The following PALB2 variants were observed in gnomAD, a reference collection of about 807,000 sequenced individuals.
PALB2 encodes partner and localizer of BRCA2.
PALB2 carries 82 observed loss-of-function variants against 107.4 expected under a neutral mutation model. The ratio of observed to expected loss-of-function variants is 0.76; its 90% CI spans 0.64 to 0.92. The LOEUF (loss-of-function observed/expected upper bound fraction) is 0.92. PALB2 is among the 40% of genes least tolerant of loss of function. The pLI, the probability that PALB2 is intolerant of heterozygous loss-of-function variation, is 0.00. For synonymous variants in PALB2, 489 were observed against 496.8 expected (o/e 0.98, Z 0.21); for missense variants, 1,374 against 1,379.9 (o/e 1.00, Z 0.07).
intron 11 of PALB2, among the ~76,000 whole-genome samples, chr16:23,610,203 A>G (rs1490111386): frequency 6.6e-6 from 1 of 152,172 alleles, no homozygotes; most frequent in Non-Finnish European, 1.5e-5. Flanking sequence ...TGTAAAACAG[A>G]GATTGTAAGG....
At chr16:23,626,752 G>A (rs1966843466) in intron 6 of PALB2, among the ~76,000 whole-genome samples, 1 of 152,116 alleles carries the variant, frequency 6.6e-6, no homozygotes, top group East Asian at 1.9e-4. Context: ...CTTCCGAGTA[G>A]CTAGGATTAC....
At chr16:23,622,683 G>A (rs988463706) in intron 9 of PALB2, among the ~76,000 whole-genome samples, 42 of 152,146 alleles carry the variant, frequency 2.8e-4, no homozygotes, top group Non-Finnish European at 6.2e-4. Flanking sequence ...GAGCCACTGT[G>A]CCCAGCAGAG....
chr16:23,638,479 TTC>T (rs201458864), intron 1 of PALB2: 9,500 of 460,958 alleles, frequency 0.021, 159 homozygotes, highest in Non-Finnish European at 0.032. Flanking sequence ...TCACACTATG[TTC>T]TCTGTTTCTC....
intron 11 of PALB2, among the ~76,000 whole-genome samples, chr16:23,610,244 T>C (rs529108978): frequency 2.0e-5 from 3 of 151,904 alleles, no homozygotes; most frequent in Admixed American, 2.0e-4. Flanking sequence ...TGCCGTCTGG[T>C]CATATATGGA....
chr16:23,634,195 G>C (rs1325266926), intron 4 of PALB2, among the ~76,000 whole-genome samples: 1 of 152,184 alleles, frequency 6.6e-6, no homozygotes, highest in African/African-American at 2.4e-5. Context: ...ATACCGCCAG[G>C]TTTGAATCCT....
intron 9 of PALB2, among the ~76,000 whole-genome samples, chr16:23,621,984 C>T (rs193194898): frequency 5.4e-4 from 82 of 152,314 alleles, no homozygotes; most frequent in Non-Finnish European, 1.0e-3. Flanking sequence ...TCTGCTTCTT[C>T]CCATCTCCAC....
rs369178953 is a variant in PALB2, at chr16:23,630,866, T to G, written c.1685-397A>C. Among the ~76,000 whole-genome samples the G allele has an allele frequency of 2.1e-4, 32 of 152,008 alleles. 1 individual carries two copies. In the East Asian group the frequency reaches 4.6e-3, roughly 22 times the overall value. ...AGCTCACAGCTGTAATCCTAGTACT[T>G]TCAGAGGTCAAGGTAAGAGAATTGC... On this transcript the variant is annotated intron_variant, in intron 4 of 12. Coordinates refer to ENST00000261584, the MANE Select transcript of PALB2 (RefSeq NM_024675.4).
chr16:23,615,112 C>A (rs1035725430), intron 10 of PALB2, among the ~76,000 whole-genome samples: 1 of 150,164 alleles, frequency 6.7e-6, no homozygotes, highest in South Asian at 2.1e-4. Context: ...CCATGCCTGG[C>A]TAATTTCTGT....
chr16:23,623,455 G>T (rs1966811880), intron 8 of PALB2, among the ~76,000 whole-genome samples: 1 of 146,146 alleles, frequency 6.8e-6, no homozygotes, highest in Non-Finnish European at 1.5e-5. Flanking sequence ...ACCTGCCTCG[G>T]CCTCCCAAAG....
intron 3 of PALB2, 128 bp from the exon 4 acceptor site, chr16:23,636,462 T>G (rs1967066675): frequency 1.4e-6 from 1 of 704,318 alleles, no homozygotes; most frequent in Non-Finnish European, 2.2e-6. Flanking sequence ...TGACATTTCA[T>G]TCAGGCAGAT....
intron 12 of PALB2, among the ~76,000 whole-genome samples, chr16:23,604,584 T>C (rs1966429848): frequency 6.6e-6 from 1 of 151,848 alleles, no homozygotes; most frequent in Non-Finnish European, 1.5e-5. Context: ...CTGGCCAACA[T>C]GGAGAAACCC....
intron 6 of PALB2, among the ~76,000 whole-genome samples, chr16:23,628,568 GA>G (rs1966851583): frequency 6.6e-6 from 1 of 152,256 alleles, no homozygotes; most frequent in East Asian, 1.9e-4. Context: ...GATTCTTCCA[GA>G]AACATTACAC....
chr16:23,612,981 T>C (rs1371644075), intron 11 of PALB2, among the ~76,000 whole-genome samples: 1 of 151,514 alleles, frequency 6.6e-6, no homozygotes, highest in African/African-American at 2.4e-5. Context: ...TCAAACTCCT[T>C]ACCTCAGGTG....
intron 10 of PALB2, among the ~76,000 whole-genome samples, chr16:23,617,014 G>A (rs1249844184): frequency 1.1e-4 from 17 of 151,954 alleles, no homozygotes; most frequent in African/African-American, 3.9e-4. Context: ...GGGTTTTACC[G>A]TGTTAGCCAG....
rs560839514 is a variant in PALB2, at chr16:23,634,961, G to A, written c.1585C>T (p.Pro529Ser). 1 of 1,614,154 alleles carries A rather than the reference G, an allele frequency of 6.2e-7. No homozygotes were observed. The highest frequency in any genetic ancestry group is 2.2e-5 in the East Asian group (1 of 44,880). ...ACTPASDHCE[P>S]LLPTSSLSIV... ...GACAGGCTAGAAGTTGGCAAAAGTG[G>A]TTCACAATGATCTGATGCTGGGGTG... Residue 529 changes from proline to serine, a missense_variant, in exon 4 of 13, where the codon CCA becomes TCA. By Grantham distance (74) the Pro-to-Ser change is moderately conservative (BLOSUM62 -1). Coordinates refer to ENST00000261584, the MANE Select transcript of PALB2 (RefSeq NM_024675.4).
chr16:23,630,083 T>G lies in PALB2; in HGVS notation c.2071A>C (p.Ser691Arg). The G allele has an allele frequency of 6.2e-7, 1 of 1,614,192 alleles. No individual in the cohort carries two copies. The highest frequency in any genetic ancestry group is 8.5e-7 in the Non-Finnish European group (1 of 1,180,030). ...GAAAGGCCCGTCTTTGTATGCTGGC[T>G]TTGCGAGTTTGGCCTTTTGGGATGT... ...KSHPKRPNSQSQHTKTGLSSS... is the reference protein window; with the variant it reads ...KSHPKRPNSQRQHTKTGLSSS... Residue 691 changes from serine (S) to arginine (R), a missense_variant, in exon 5 of 13, where the codon AGC (serine) becomes CGC (arginine). Ser to Arg is a moderately radical substitution (Grantham distance 110, BLOSUM62 -1). Coordinates refer to ENST00000261584, the MANE Select transcript of PALB2 (RefSeq NM_024675.4).
In PALB2 at chr16:23,614,109, A is replaced by G; in HGVS notation, c.3114-18T>C. ...TTAAATTCCTTAGATAACAAAAATA[A>G]ATAAGCTGATCACATTCTTCCAACA... On this transcript the variant is annotated intron_variant, in intron 10 of 12. Coordinates refer to ENST00000261584, the MANE Select transcript of PALB2 (RefSeq NM_024675.4). 1 of 1,527,090 alleles carries G rather than the reference A, an allele frequency of 6.5e-7. No homozygotes were observed. The highest frequency in any genetic ancestry group is 9.1e-7 in the Non-Finnish European group (1 of 1,102,388). 94.6% of individuals were successfully genotyped at this position (1,527,090 alleles called of 1,614,324 possible).
chr16:23,616,836 A>T (rs1363271745), intron 10 of PALB2, among the ~76,000 whole-genome samples: 1 of 149,776 alleles, frequency 6.7e-6, no homozygotes, highest in African/African-American at 2.5e-5. Flanking sequence ...TTTTTTTGAG[A>T]CGGAGTCTCA....
In PALB2 at chr16:23,636,063, GTC is replaced by G. The variant is rs1597099149; in HGVS notation, c.481_482del (p.Asp161LeufsTer6). The G allele has an allele frequency of 6.2e-7, 1 of 1,614,020 alleles. No homozygotes were observed. Among genetic ancestry groups the G allele is most frequent in the Non-Finnish European group, 8.5e-7 (1 of 1,180,008 alleles). The stretch of plus-strand genomic sequence containing the variant: ...TGAGTGAATCAGTGCCAAAGACACA[GTC>G]TCTCTCCTGTGAAATAAATGTCCTC... ...QKRTFISQER[D>X]CVFGTDSLRL... On this transcript the variant is annotated frameshift_variant, in exon 4 of 13. Coordinates refer to ENST00000261584, the MANE Select transcript of PALB2 (RefSeq NM_024675.4). LOFTEE classifies it high-confidence loss of function.
Sources: allele counts gnomAD v4.1 joint callset (sites outside exome capture counted in the v4.1 genomes callset), GRCh38; gene constraint gnomAD v4.1.1; transcripts MANE v1.5; gene names NCBI Gene and HGNC (gene_info 2026-07-23, HGNC 2026-07-21).